CHRNB4: variants seen among roughly 807,000 people sequenced by gnomAD.
The protein encoded by CHRNB4 is neuronal acetylcholine receptor subunit beta-4.
In CHRNB4, 23 loss-of-function variants were observed where a neutral mutation model predicts 40.4. The observed-to-expected ratio is 0.57, with a 90% CI of 0.41 to 0.81. CHRNB4 has a LOEUF of 0.81. CHRNB4 is among the 30% of genes least tolerant of loss of function. CHRNB4 has a pLI of 0.00. For synonymous variants in CHRNB4, 285 were observed against 274.4 expected (o/e 1.04, Z -0.38); for missense variants, 568 against 670.6 (o/e 0.85, Z 1.69).
chr15:78,635,322 A>C lies in CHRNB4; in HGVS notation c.204+117T>G, dbSNP rs996473164. On this transcript the variant is annotated intron_variant, in intron 2 of 5. Coordinates refer to ENST00000261751, the MANE Select transcript of CHRNB4 (RefSeq NM_000750.5). ...CCCTTCTGCAGCCTCCCTGACACGT[A>C]CTGGTAAGTCTAAGTCAACTATAGT... The C allele has an allele frequency of 5.5e-6, 7 of 1,273,192 alleles. No individual in the cohort carries two copies. The African/African-American group carries it at 1.0e-4, about 19-fold the overall frequency. 78.9% of individuals were successfully genotyped at this position (1,273,192 alleles called of 1,614,324 possible).
At position 78,629,157 on chromosome 15, in the gene CHRNB4, T is replaced by C. The variant is rs918278883; in HGVS notation, c.1148A>G (p.Tyr383Cys). The change falls in exon 5 of 6, where the codon TAT becomes TGT. Residue 383 changes from tyrosine to cysteine, a missense_variant. Physicochemically the swap from Tyr to Cys is radical, Grantham distance 194 (BLOSUM62 -2). This residue lies in a region of CHRNB4 where 242 missense variants were observed against 274.9 expected (regional missense o/e 0.88). Transcript: ENST00000261751. The surrounding 1 kb of genome is among the most constrained non-coding windows in gnomAD (Gnocchi z 6.8). ...GTTCACAAAGTACATGGAGTTCCCA[T>C]AGAAGTTGGAGGGGCTGGTGGAGGT... ...TATSTSPSNF[Y>C]GNSMYFVNPA... 5 of 1,613,874 alleles carry C rather than the reference T, an allele frequency of 3.1e-6. No homozygotes were observed. The African/African-American group carries it at 4.0e-5, about 13-fold the overall frequency.
chr15:78,650,265 G>A (rs956183826), intron 6 of CHRNB4, among the ~76,000 whole-genome samples: 4 of 152,216 alleles, frequency 2.6e-5, no homozygotes, highest in Non-Finnish European at 4.4e-5. Context: ...GGCCCAGGCT[G>A]CAGTGGTGCT....
intron 1 of CHRNB4, among the ~76,000 whole-genome samples, chr15:78,637,417 A>C (rs1472140556): frequency 1.3e-5 from 2 of 152,074 alleles, no homozygotes; most frequent in African/African-American, 2.4e-5. Context: ...GGGAGGAGGA[A>C]AAGAGATGAG....
rs1261273731 is a variant in CHRNB4 at position 78,629,037 on chromosome 15, T to G, written c.1268A>C (p.Asp423Ala). Residue 423 changes from aspartate (D) to alanine (A), a missense_variant, in exon 5 of 6, where the codon GAT becomes GCT. Transcript: ENST00000261751. This position sits in a 1 kb window ranked among gnomAD's most constrained non-coding sequence, Gnocchi z 6.8. The stretch of plus-strand genomic sequence containing the variant: ...GACACCTTCTAATGCCTCCTGCACA[T>G]CCTGTCGGAACCTCCCAGAGGACCG... ...WLRSSGRFRQ[D>A]VQEALEGVSF... 6.2e-7 allele frequency: 1 copy of G among 1,614,130 alleles called. No homozygotes were observed. The highest frequency in any genetic ancestry group is 8.5e-7 in the Non-Finnish European group (1 of 1,180,030).
intron 2 of CHRNB4, among the ~76,000 whole-genome samples, chr15:78,631,778 A>G (rs2053817484): frequency 6.6e-6 from 1 of 152,088 alleles, no homozygotes; most frequent in Non-Finnish European, 1.5e-5. Context: ...TATTCTCTAC[A>G]TGGTAGCCAG....
At chr15:78,660,770 T>G (rs1895389858), upstream of CHRNB4, 2 of 210,232 alleles carry the variant, frequency 9.5e-6, no homozygotes, top group Non-Finnish European at 1.9e-5. Context: ...TGCCCTGGCC[T>G]GGGCCCAGGC....
upstream of CHRNB4, chr15:78,641,381 G>C (rs994991891): frequency 2.2e-6 from 1 of 451,956 alleles, no homozygotes; most frequent in Admixed American, 4.5e-5. Context: ...CTATCTCTTC[G>C]GGCCTCGCAA....
chr15:78,641,075 T>G lies in CHRNB4; in HGVS notation c.55+4A>C. The G allele has an allele frequency of 6.4e-7, 1 of 1,568,846 alleles. No individual in the cohort carries two copies. Among genetic ancestry groups the G allele is most frequent in the Non-Finnish European group, 8.6e-7 (1 of 1,157,140 alleles). On this transcript the variant is annotated splice_donor_region_variant and intron_variant, in intron 1 of 5. Coordinates refer to ENST00000261751, the MANE Select transcript of CHRNB4 (RefSeq NM_000750.5). ...CCCTCCCTCCTTCCCCGAAAAGAAC[T>G]CACCGCGCCCGCAAAGGGCGACCAG...
At chr15:78,648,753 CAAAAA>C (rs35846146) in intron 7 of CHRNB4, among the ~76,000 whole-genome samples, 1 of 79,990 alleles carries the variant, frequency 1.3e-5, no homozygotes, top group Non-Finnish European at 2.8e-5. Flanking sequence ...GACTCTGTCT[CAAAAA>C]AAAAAAAAAA....
intron 1 of CHRNB4, among the ~76,000 whole-genome samples, chr15:78,638,631 G>GA (rs959643087): frequency 1.3e-5 from 2 of 152,186 alleles, no homozygotes; most frequent in East Asian, 3.9e-4. Context: ...GGGGGGCCGG[G>GA]GGGGTGGTGC....
chr15:78,629,000 G>T lies in CHRNB4; in HGVS notation c.1305C>A (p.Ala435=). Residue 435 remains alanine (A), a synonymous_variant, in exon 5 of 6, where the codon GCC becomes GCA. Transcript: ENST00000261751. ...QEALEGVSFI[A]QHMKNDDEDQ... is the part of the protein sequence containing the mutation. ...CTTCATCGTCATTCTTCATGTGCTG[G>T]GCGATGAAGCTGACACCTTCTAATG... is the stretch of plus-strand genomic sequence containing the variant. 3 of 1,614,106 alleles carry T rather than the reference G, an allele frequency of 1.9e-6. No homozygotes were observed. Among genetic ancestry groups the T allele is most frequent in the Non-Finnish European group, 2.5e-6 (3 of 1,179,990 alleles).
chr15:78,632,258 T>TAG (rs2053846775), intron 2 of CHRNB4, among the ~76,000 whole-genome samples: 1 of 140,472 alleles, frequency 7.1e-6, no homozygotes, highest in Non-Finnish European at 1.5e-5. Context: ...TCTCTCTCTT[T>TAG]CTTTCTTTCT....
intron 4 of CHRNB4, among the ~76,000 whole-genome samples, chr15:78,655,921 A>G (rs1293432537): frequency 6.6e-6 from 1 of 152,176 alleles, no homozygotes; most frequent in Non-Finnish European, 1.5e-5. Flanking sequence ...AGTGTTCTAT[A>G]GTGTTCAGTG....
chr15:78,641,105 A>G lies in CHRNB4; in HGVS notation c.29T>C (p.Phe10Ser), dbSNP rs777708447. 3 of 1,582,722 alleles carry G rather than the reference A, an allele frequency of 1.9e-6. No individual in the cohort carries two copies. The highest frequency in any genetic ancestry group is 2.7e-5 in the African/African-American group (2 of 73,992). ...GCGCCCGCAAAGGGCGACCAGGAAG[A>G]AAAGGACCAGGGAAGGCGCGCGCCT... is the stretch of plus-strand genomic sequence containing the variant. MRRAPSLVLFFLVALCGRGN... is the reference protein window; with the variant it reads MRRAPSLVLSFLVALCGRGN... Residue 10 changes from phenylalanine (F) to serine (S), a missense_variant, in exon 1 of 6, where the codon TTC becomes TCC. Physicochemically the swap from Phe to Ser is radical, Grantham distance 155 (BLOSUM62 -2). Coordinates refer to ENST00000261751, the MANE Select transcript of CHRNB4 (RefSeq NM_000750.5).
chr15:78,647,697 A>C (rs979964462), intron 7 of CHRNB4, among the ~76,000 whole-genome samples: 23 of 148,124 alleles, frequency 1.6e-4, no homozygotes, highest in East Asian at 7.9e-4. Context: ...ATCCAAAAAA[A>C]AAAAAAAAAA....
rs376596110 is a variant in CHRNB4, at chr15:78,629,985, T to C, written c.360-40A>G. 1.3e-6 allele frequency: 2 copies of C among 1,512,508 alleles called. No homozygotes were observed. Among genetic ancestry groups the C allele is most frequent in the Non-Finnish European group, 1.8e-6 (2 of 1,139,128 alleles). The allele number at this position is 1,512,508 out of a possible 1,614,324, so 93.7% of individuals were successfully genotyped here. A position where few individuals can be genotyped will look rare whatever the true frequency, so the allele number is the denominator to read the frequency against. On this transcript the variant is annotated intron_variant, in intron 4 of 5. Transcript: ENST00000261751. This position sits in a 1 kb window ranked among gnomAD's most constrained non-coding sequence, Gnocchi z 6.8. ...GGCATGGAGAACATCGTGAAACCCA[T>C]ACACAAAACCTGGCCTGTTCTCAGA...
intron 1 of CHRNB4, among the ~76,000 whole-genome samples, chr15:78,658,778 C>T (rs2054232597): frequency 1.3e-5 from 2 of 152,122 alleles, no homozygotes; most frequent in African/African-American, 4.8e-5. Context: ...TGACCTGAAC[C>T]AATTCTTGGT....
chr15:78,634,727 C>CGGA (rs1407155910), intron 2 of CHRNB4: 2 of 455,884 alleles, frequency 4.4e-6, no homozygotes, highest in African/African-American at 4.0e-5. Flanking sequence ...CTTCCAGGGA[C>CGGA]GGAGTTCTAA....
At chr15:78,641,029 CT>C in intron 1 of CHRNB4, 49 bp downstream of exon 1, 1 of 1,544,006 alleles carries the variant, frequency 6.5e-7, no homozygotes. Flanking sequence ...AGTCCAGCCC[CT>C]TTCAGCCCAA....
Sources: allele counts gnomAD v4.1 joint callset (sites outside exome capture counted in the v4.1 genomes callset), GRCh38; gene constraint gnomAD v4.1.1; regional missense constraint gnomAD v4.1.1; non-coding constraint Gnocchi (gnomAD v3.1); transcripts MANE v1.5; gene names NCBI Gene and HGNC (gene_info 2026-07-23, HGNC 2026-07-21).